Variants in ENPP3 observed in about 807,000 individuals in gnomAD.
The protein encoded by ENPP3 is ectonucleotide pyrophosphatase/phosphodiesterase family member 3.
A neutral mutation model predicts 117.8 loss-of-function variants in ENPP3; 104 were observed. The ratio of observed to expected loss-of-function variants is 0.88; its 90% CI spans 0.75 to 1.04. The LOEUF (loss-of-function observed/expected upper bound fraction) is 1.04, where lower values mean the gene tolerates loss of function less well. Ranked by LOEUF, ENPP3 falls within the 50% of genes least tolerant of loss-of-function variation. The pLI, the probability that ENPP3 is intolerant of heterozygous loss-of-function variation, is 0.00. For synonymous variants in ENPP3, 380 were observed against 349.9 expected, an observed-to-expected ratio of 1.09 and a Z score of -0.96; for missense variants, 1,026 against 1,051.9, an observed-to-expected ratio of 0.98 and a Z score of 0.34.
At chr6:131,701,884 G>GAAAA (rs1170025527) in intron 15 of ENPP3, among the ~76,000 whole-genome samples, 8 of 96,844 alleles carry the variant, frequency 8.3e-5, no homozygotes, top group East Asian at 2.8e-4. Context: ...TCTGTCTCCA[G>GAAAA]AAAAAAAAAA....
rs139374347 is a variant in ENPP3 at position 131,652,581 on chromosome 6, C to A, written c.317C>A (p.Thr106Asn). The change falls in exon 4 of 25, where the codon ACC (threonine) becomes AAC (asparagine). Residue 106 changes from threonine to asparagine, a missense_variant. Thr to Asn is a moderately conservative substitution (Grantham distance 65, BLOSUM62 0). Transcript: ENST00000357639. ...TGCAATAAATTTCGTTGTGGAGAGA[C>A]CAGATTAGAGGCCAGCCTTTGCTCT... is the stretch of plus-strand genomic sequence containing the variant. ...WMCNKFRCGE[T>N]RLEASLCSCS... 4.9e-4 allele frequency: 789 copies of A among 1,613,712 alleles called. No individual in the cohort carries two copies. Among genetic ancestry groups the A allele is most frequent in the Middle Eastern group, 1.6e-3 (10 of 6,082 alleles).
chr6:131,677,990 C>T (rs764592402), intron 11 of ENPP3, 50 bp downstream of exon 11: 18 of 1,100,330 alleles, frequency 1.6e-5, no homozygotes, highest in Non-Finnish European at 2.2e-5. Flanking sequence ...AATCATCTAA[C>T]CCTAACCCAC....
intron 15 of ENPP3, chr6:131,710,147 C>A: frequency 6.2e-7 from 1 of 1,613,872 alleles, no homozygotes; most frequent in Non-Finnish European, 8.5e-7. Context: ...TCCAGGTTAT[C>A]ATCATCCGTT....
At chr6:131,641,867 C>G (rs567322157) in intron 2 of ENPP3, among the ~76,000 whole-genome samples, 1 of 133,748 alleles carries the variant, frequency 7.5e-6, no homozygotes, top group East Asian at 2.5e-4. Context: ...ACAATCTCCA[C>G]TCACTGCAGT....
chr6:131,663,381 T>C (rs1426949442), intron 6 of ENPP3, among the ~76,000 whole-genome samples: 1 of 151,914 alleles, frequency 6.6e-6, no homozygotes, highest in Admixed American at 6.6e-5. Context: ...TACATTATAA[T>C]GGAGTTGAGA....
chr6:131,733,533 G>GTTTGCGCTCA (rs1387511428), intron 20 of ENPP3, 55 bp from the exon 21 acceptor site: 18 of 1,581,396 alleles, frequency 1.1e-5, no homozygotes, highest in Non-Finnish European at 1.6e-5. Context: ...ACCATATAAG[G>GTTTGCGCTCA]CAATGGGTGA....
chr6:131,733,471 C>A, intron 20 of ENPP3, 117 bp from the exon 21 acceptor site: 1 of 1,113,458 alleles, frequency 9.0e-7, no homozygotes, highest in Non-Finnish European at 1.3e-6. Flanking sequence ...AGACCTGATT[C>A]ACTAAGAAAA....
At chr6:131,742,814 A>G (rs909594397) in intron 24 of ENPP3, among the ~76,000 whole-genome samples, 1 of 152,052 alleles carries the variant, frequency 6.6e-6, no homozygotes, top group African/African-American at 2.4e-5. Flanking sequence ...ATTCTTTTCC[A>G]TCTGCTAAAA....
chr6:131,708,152 T>C (rs1454415067), intron 15 of ENPP3, among the ~76,000 whole-genome samples: 1 of 106,750 alleles, frequency 9.4e-6, no homozygotes, highest in Non-Finnish European at 1.8e-5. Context: ...AGGAAATTTC[T>C]AACTATAATT....
intron 6 of ENPP3, among the ~76,000 whole-genome samples, chr6:131,659,670 G>A (rs368038089): frequency 1.5e-4 from 23 of 152,222 alleles, no homozygotes; most frequent in African/African-American, 5.3e-4. Context: ...GCAACTCAAG[G>A]TGCATTGTTT....
intron 11 of ENPP3, among the ~76,000 whole-genome samples, chr6:131,680,028 G>A (rs1020678922): frequency 1.1e-4 from 17 of 152,146 alleles, no homozygotes; most frequent in African/African-American, 3.4e-4. Flanking sequence ...ACAATAAGAA[G>A]CATTGAAGCA....
chr6:131,731,391 T>G (rs1224313993), intron 20 of ENPP3, among the ~76,000 whole-genome samples: 1 of 152,202 alleles, frequency 6.6e-6, no homozygotes, highest in African/African-American at 2.4e-5. Context: ...CTTTTCAGGC[T>G]GGTTGTTTTC....
intron 16 of ENPP3, among the ~76,000 whole-genome samples, chr6:131,719,209 A>C (rs1445074682): frequency 6.6e-6 from 1 of 152,030 alleles, no homozygotes; most frequent in African/African-American, 2.4e-5. Context: ...GATTTGAAAA[A>C]GGTAAAAGAA....
At chr6:131,660,895 T>G (rs1047103604) in intron 6 of ENPP3, among the ~76,000 whole-genome samples, 1 of 152,178 alleles carries the variant, frequency 6.6e-6, no homozygotes, top group Non-Finnish European at 1.5e-5. Flanking sequence ...ATTTCCCCCT[T>G]ACCCAGCCCC....
intron 20 of ENPP3, among the ~76,000 whole-genome samples, chr6:131,730,121 AT>A (rs1198899913): frequency 1.3e-5 from 2 of 152,190 alleles, no homozygotes; most frequent in African/African-American, 4.8e-5. Context: ...TATATACTGT[AT>A]ATTTCTTCAA....
chr6:131,691,866 G>C (rs1779288871), intron 14 of ENPP3, among the ~76,000 whole-genome samples: 1 of 152,090 alleles, frequency 6.6e-6, no homozygotes, highest in Non-Finnish European at 1.5e-5. Flanking sequence ...AAAAATATTG[G>C]CTTAAGAAAG....
chr6:131,723,978 TA>T (rs1175918999), intron 18 of ENPP3, 61 bp from the exon 19 acceptor site: 2 of 1,225,448 alleles, frequency 1.6e-6, no homozygotes, highest in African/African-American at 3.0e-5. Flanking sequence ...GATTACCCCT[TA>T]AAACACATAT....
At chr6:131,661,625 G>A (rs1005508971) in intron 6 of ENPP3, among the ~76,000 whole-genome samples, 7 of 151,982 alleles carry the variant, frequency 4.6e-5, no homozygotes, top group African/African-American at 1.7e-4. Flanking sequence ...CTGATGATTA[G>A]TGACATTGAG....
At chr6:131,685,262 T>C in intron 12 of ENPP3, 102 bp from the exon 13 acceptor site, 1 of 1,040,840 alleles carries the variant, frequency 9.6e-7, no homozygotes. Context: ...GAAGCTTAGT[T>C]TGAGATCTGT....
Sources: gnomAD v4.1 joint callset for allele counts (sites outside exome capture counted in the v4.1 genomes callset) on GRCh38, gnomAD v4.1.1 for gene constraint, MANE v1.5 for transcripts, NCBI Gene and HGNC (gene_info 2026-07-23, HGNC 2026-07-21) for gene names.